SASH1: variants seen among roughly 807,000 people sequenced by gnomAD.
SASH1 encodes SAM and SH3 domain-containing protein 1.
Under a neutral mutation model 125.2 loss-of-function variants are expected in SASH1, and 44 were observed. That is an observed-to-expected ratio of 0.35 (90% CI 0.28 to 0.45). The LOEUF is 0.45. Ranked by LOEUF, SASH1 falls within the 20% of genes least tolerant of loss-of-function variation. SASH1 has a pLI of 1.00. For missense variants in SASH1, 1,426 were observed against 1,614.5 expected (o/e 0.88, Z 2.00); for synonymous variants, 639 against 649.1 (o/e 0.98, Z 0.24).
intron 1 of SASH1, 127 bp from the exon 2 acceptor site, chr6:148,390,007 G>A: frequency 9.3e-7 from 1 of 1,069,864 alleles, no homozygotes; most frequent in Non-Finnish European, 1.4e-6. Context: ...AAACAACCTG[G>A]CACTTGATGT....
intron 2 of SASH1, among the ~76,000 whole-genome samples, chr6:148,435,378 C>CAAAA: frequency 9.6e-6 from 1 of 104,436 alleles, no homozygotes; most frequent in South Asian, 3.6e-4. Context: ...GACTCTGACT[C>CAAAA]AAAAAAAAAA....
chr6:148,508,270 T>C (rs1444689283), intron 8 of SASH1, among the ~76,000 whole-genome samples: 5 of 152,244 alleles, frequency 3.3e-5, no homozygotes, highest in African/African-American at 1.2e-4. Flanking sequence ...ATTTCAAAAA[T>C]AGCCATTGGA....
intron 2 of SASH1, among the ~76,000 whole-genome samples, chr6:148,399,080 A>T (rs551513963): frequency 8.7e-4 from 132 of 151,720 alleles, no homozygotes; most frequent in African/African-American, 2.7e-3. Flanking sequence ...TTCCAACCTT[A>T]CACTTAGGCA....
At chr6:148,319,762 T>C (rs1780591658) in intron 1 of SASH1, among the ~76,000 whole-genome samples, 1 of 151,208 alleles carries the variant, frequency 6.6e-6, no homozygotes, top group Non-Finnish European at 1.5e-5. Context: ...GATCCGCAAG[T>C]CTTGGCCTCC....
intron 6 of SASH1, among the ~76,000 whole-genome samples, chr6:148,472,203 A>G (rs148609303): frequency 3.9e-4 from 59 of 152,322 alleles, no homozygotes; most frequent in African/African-American, 1.3e-3. Context: ...CTTGATCACC[A>G]GTGACACTGC....
At chr6:148,214,177 C>A in the SASH1 span, among the ~76,000 whole-genome samples, 74,441 of 151,920 alleles carry the variant, frequency 0.49, 19,107 homozygotes, top group African/African-American at 0.64. Context: ...TCCATCGCTC[C>A]TGACACTGGA....
At chr6:148,508,446 A>G (rs1049048634) in intron 8 of SASH1, 27 of 998,480 alleles carry the variant, frequency 2.7e-5, no homozygotes, top group Non-Finnish European at 3.1e-5. Context: ...CTGGAATTCC[A>G]TAGACAGTAA....
intron 8 of SASH1, 54 bp downstream of exon 8, chr6:148,487,769 C>A: frequency 7.9e-7 from 1 of 1,267,076 alleles, no homozygotes; most frequent in Non-Finnish European, 1.1e-6. Flanking sequence ...AAGGGACAGT[C>A]TTCACCATTT....
rs148260260 is a variant in SASH1, at chr6:148,538,805, G to A, written c.2096-1638G>A. Among the ~76,000 whole-genome samples the A allele has an allele frequency of 3.1e-3, 478 of 152,238 alleles. 4 individuals carry two copies. Among genetic ancestry groups the A allele is most frequent in the African/African-American group, 0.011 (439 of 41,550 alleles). On this transcript the variant is annotated intron_variant, in intron 16 of 19. Transcript: ENST00000367467. ...TTCTTTGTGTATGTGGTTGGAGTGG[G>A]GAAGTTGGTGGGGGATGAAAAGAAA...
chr6:148,396,478 GAAAAAAAAAAAA>G (rs61277112), intron 2 of SASH1, among the ~76,000 whole-genome samples: 1 of 63,788 alleles, frequency 1.6e-5, no homozygotes, highest in Non-Finnish European at 2.8e-5. Flanking sequence ...CTGCATCTCA[GAAAAAAAAAAAA>G]AAAAAAAAAA....
intron 2 of SASH1, among the ~76,000 whole-genome samples, chr6:148,390,651 G>A (rs1783667588): frequency 6.6e-6 from 1 of 152,074 alleles, no homozygotes; most frequent in Admixed American, 6.6e-5. Context: ...AGCCGGGCGT[G>A]GTGATGGGTG....
rs1403774134 is a variant in SASH1, at chr6:148,495,760, G to A, written c.729+8045G>A. 6.6e-6 allele frequency among the ~76,000 whole-genome samples: 1 copy of A among 152,200 alleles called. No homozygotes were observed. Among genetic ancestry groups the A allele is most frequent in the Non-Finnish European group, 1.5e-5 (1 of 68,040 alleles). ...GAGTGACACATACTGTAGTACTTCA[G>A]TCGGCGTTGTAGGTCCGGTGAAAGT... is the stretch of plus-strand genomic sequence containing the variant. On this transcript the variant is annotated intron_variant, in intron 8 of 19. Transcript: ENST00000367467. The surrounding 1 kb of genome is among the most constrained non-coding windows in gnomAD (Gnocchi z 4.0).
intron 1 of SASH1, among the ~76,000 whole-genome samples, chr6:148,313,220 G>T (rs1780383004): frequency 6.6e-6 from 1 of 152,190 alleles, no homozygotes; most frequent in African/African-American, 2.4e-5. Flanking sequence ...CTAATGTCCA[G>T]ATCTTTGGAA....
At chr6:148,204,003 T>C in the SASH1 span, among the ~76,000 whole-genome samples, 1 of 152,226 alleles carries the variant, frequency 6.6e-6, no homozygotes, top group Non-Finnish European at 1.5e-5. Flanking sequence ...TGTTGACTGA[T>C]GACAGCTGCC....
chr6:148,396,741 T>C (rs911504987), intron 2 of SASH1, among the ~76,000 whole-genome samples: 8 of 152,108 alleles, frequency 5.3e-5, no homozygotes, highest in African/African-American at 1.9e-4. Context: ...GAAACATTAA[T>C]GGAAAGAGGC....
chr6:148,244,855 G>T, the SASH1 span, among the ~76,000 whole-genome samples: 2 of 151,354 alleles, frequency 1.3e-5, no homozygotes, highest in African/African-American at 4.9e-5. Flanking sequence ...AACTTCATTT[G>T]CCCTAAGCTG....
chr6:148,477,972 C>T (rs1191792984), intron 7 of SASH1, among the ~76,000 whole-genome samples: 1 of 152,070 alleles, frequency 6.6e-6, no homozygotes, highest in South Asian at 2.1e-4. Context: ...GTTGTGATTA[C>T]GGGCATGAGT....
At chr6:148,335,917 A>G (rs933691778) in intron 1 of SASH1, among the ~76,000 whole-genome samples, 3 of 152,134 alleles carry the variant, frequency 2.0e-5, no homozygotes, top group Non-Finnish European at 4.4e-5. Context: ...CTATTTATAG[A>G]TACAGCCTCA....
intron 4 of SASH1, among the ~76,000 whole-genome samples, chr6:148,442,222 TC>T (rs1042839976): frequency 1.3e-5 from 2 of 151,880 alleles, no homozygotes; most frequent in Non-Finnish European, 2.9e-5. Flanking sequence ...CCCTGTCTGA[TC>T]CAGCACCAGC....
Sources: gnomAD v4.1 joint callset for allele counts (sites outside exome capture counted in the v4.1 genomes callset) on GRCh38, gnomAD v4.1.1 for gene constraint, Gnocchi (gnomAD v3.1) non-coding constraint, MANE v1.5 for transcripts, NCBI Gene and HGNC (gene_info 2026-07-23, HGNC 2026-07-21) for gene names.